The following CA14 variants were observed in gnomAD, a reference collection of about 807,000 sequenced individuals.
The protein encoded by CA14 is carbonic anhydrase 14.
CA14 carries 44 observed loss-of-function variants against 48.8 expected under a neutral mutation model. The ratio of observed to expected loss-of-function variants is 0.90; its 90% CI spans 0.71 to 1.16. The LOEUF (loss-of-function observed/expected upper bound fraction) is 1.16, where lower values mean the gene tolerates loss of function less well. Ranked by LOEUF, CA14 falls within the 50% of genes most tolerant of loss-of-function variation. The pLI, the probability that CA14 is intolerant of heterozygous loss-of-function variation, is 0.00. For missense variants in CA14, 386 were observed against 401.0 expected, an observed-to-expected ratio of 0.96 and a Z score of 0.32; for synonymous variants, 154 against 155.0, an observed-to-expected ratio of 0.99 and a Z score of 0.05.
chr1:150,264,020 GGTTCA>G, intron 10 of CA14, 142 bp downstream of exon 10: 1 of 668,990 alleles, frequency 1.5e-6, no homozygotes, highest in Non-Finnish European at 2.6e-6. Context: ...CTGCCTTCTG[GGTTCA>G]AGCAATTCTC....
In CA14 at chr1:150,258,020, C is replaced by G. The variant is rs1224086660; in HGVS notation, c.-109C>G. ...GAGATAAATACACTCACGCCAGGAG[C>G]TCGCTCGCTCTCTCTCTCTCTCTCT... On this transcript the variant is annotated 5_prime_UTR_variant, in exon 1 of 11. Coordinates refer to ENST00000369111, the MANE Select transcript of CA14 (RefSeq NM_012113.3). 4 of 699,018 alleles carry G rather than the reference C, an allele frequency of 5.7e-6. No homozygotes were observed. Among genetic ancestry groups the G allele is most frequent in the Non-Finnish European group, 9.1e-6 (4 of 439,060 alleles). The allele number at this position is 699,018 out of a possible 1,614,324, so 43.3% of individuals were successfully genotyped here. A position where few individuals can be genotyped will look rare whatever the true frequency, so the allele number is the denominator to read the frequency against.
chr1:150,258,338 A>T (rs1650723070), intron 1 of CA14, among the ~76,000 whole-genome samples, 155 bp downstream of exon 1: 1 of 152,106 alleles, frequency 6.6e-6, no homozygotes, highest in Non-Finnish European at 1.5e-5. Flanking sequence ...GGAGGAGACC[A>T]CTTCCCTTCT....
intron 8 of CA14, 33 bp from the exon 9 acceptor site, chr1:150,263,626 G>A: frequency 6.2e-7 from 1 of 1,613,356 alleles, no homozygotes; most frequent in Non-Finnish European, 8.5e-7. Flanking sequence ...ATGGGGATCT[G>A]AAGTCCCACT....
Position 150,260,132 on chromosome 1 carries a change from A to G in CA14, c.56-19A>G. Reference sequence around the variant, plus strand: ...CCCCAGGCTGCGCTGGCTGTAACCCAAACTATTCTGCCTTGCAGGTCAACA... The same window carrying G: ...CCCCAGGCTGCGCTGGCTGTAACCCGAACTATTCTGCCTTGCAGGTCAACA... On this transcript the variant is annotated intron_variant, in intron 1 of 10. Transcript: ENST00000369111. The G allele has an allele frequency of 1.2e-6, 2 of 1,613,146 alleles. No homozygotes were observed. The highest frequency in any genetic ancestry group is 1.7e-6 in the Non-Finnish European group (2 of 1,179,800).
At chr1:150,261,424 A>T in intron 2 of CA14, 35 bp from the exon 3 acceptor site, 2 of 1,594,816 alleles carry the variant, frequency 1.3e-6, no homozygotes, top group Non-Finnish European at 1.7e-6. Context: ...CTAGAGCTGG[A>T]GGACAGGACC....
chr1:150,262,958 C>T, intron 6 of CA14, 84 bp from the exon 7 acceptor site: 5 of 1,584,516 alleles, frequency 3.2e-6, no homozygotes, highest in Non-Finnish European at 3.5e-6. Flanking sequence ...TTACATAGAG[C>T]CAAGGAATTT....
intron 1 of CA14, 79 bp from the exon 2 acceptor site, chr1:150,260,072 G>C: frequency 2.9e-6 from 4 of 1,378,186 alleles, no homozygotes; most frequent in Non-Finnish European, 4.1e-6. Flanking sequence ...AGTACAGAAT[G>C]CCAGAGGGAG....
chr1:150,263,116 A>G lies in CA14; in HGVS notation c.637A>G (p.Asn213Asp), dbSNP rs1651221430. 1 of 1,614,092 alleles carries G rather than the reference A, an allele frequency of 6.2e-7. No homozygotes were observed. The highest frequency in any genetic ancestry group is 8.5e-7 in the Non-Finnish European group (1 of 1,180,002). ...ACAGCTGGGGCAGTACTTCCGCTACAATGGCTCGCTCACAACTCCCCCTTG... is the reference window on the plus strand; with the variant it reads ...ACAGCTGGGGCAGTACTTCCGCTACGATGGCTCGCTCACAACTCCCCCTTG... ...PKQLGQYFRY[N>D]GSLTTPPCYQ... is the part of the protein sequence containing the mutation. The change falls in exon 7 of 11, where the codon AAT (asparagine) becomes GAT (aspartate). Residue 213 changes from asparagine to aspartate, a missense_variant. By Grantham distance (23) the Asn-to-Asp change is conservative (BLOSUM62 1). Transcript: ENST00000369111.
At position 150,258,040 on chromosome 1, in the gene CA14, C is replaced by T. The variant is rs1477457083; in HGVS notation, c.-89C>T. On this transcript the variant is annotated 5_prime_UTR_variant, in exon 1 of 11. Transcript: ENST00000369111. ...AGGAGCTCGCTCGCTCTCTCTCTCT[C>T]TCTCTCACTCCTCCCTCCCTCTCTC... is the stretch of plus-strand genomic sequence containing the variant. The T allele has an allele frequency of 2.1e-5, 20 of 945,862 alleles. No individual in the cohort carries two copies. Among genetic ancestry groups the T allele is most frequent in the Non-Finnish European group, 3.0e-5 (19 of 634,338 alleles). The allele number at this position is 945,862 out of a possible 1,614,324, so 58.6% of individuals were successfully genotyped here.
rs1560025144 is a variant in CA14, at chr1:150,262,156, A to G, written c.257-2A>G. 6.2e-7 allele frequency: 1 copy of G among 1,614,156 alleles called. No individual in the cohort carries two copies. The highest frequency in any genetic ancestry group is 8.5e-7 in the Non-Finnish European group (1 of 1,180,018). ...AATCCGAGTTTGCTCTTTTCCTCAC[A>G]GTGCAACTCTCTCTGCCCTCTACCC... On this transcript the variant is annotated splice_acceptor_variant, in intron 3 of 10. Transcript: ENST00000369111. LOFTEE classifies it high-confidence loss of function.
chr1:150,259,573 A>T (rs782467323), intron 1 of CA14, among the ~76,000 whole-genome samples: 8 of 152,100 alleles, frequency 5.3e-5, no homozygotes, highest in South Asian at 4.2e-4. Context: ...CCTGGTGATG[A>T]GGAGTTTCCT....
chr1:150,263,903 C>T (rs1553848717), intron 10 of CA14, 25 bp downstream of exon 10: 7 of 1,471,988 alleles, frequency 4.8e-6, no homozygotes, highest in Middle Eastern at 1.8e-4. Flanking sequence ...TCCATTCCTC[C>T]AGTCCCTTCT....
intron 2 of CA14, chr1:150,260,449 A>T (rs1650916623): frequency 3.8e-6 from 2 of 530,502 alleles, no homozygotes; most frequent in East Asian, 3.6e-5. Flanking sequence ...GCTGGGTGGG[A>T]ACTCTGAGCT....
At chr1:150,258,216 G>T (rs782611261) in intron 1 of CA14, 33 bp downstream of exon 1, 36 of 1,584,388 alleles carry the variant, frequency 2.3e-5, no homozygotes, top group East Asian at 6.8e-5. Context: ...GTGTGGATTT[G>T]TGCTGATGTT....
Position 150,260,174 on chromosome 1 carries a change from G to T in CA14, c.76+3G>T, listed in dbSNP as rs1261646248. On this transcript the variant is annotated splice_donor_region_variant and intron_variant, in intron 2 of 10. Transcript: ENST00000369111. ...AGGTCAACACTGGACGTATGAGGGTGAGCAGATCTCAAGGCCTCCCGACAA... is the reference window on the plus strand; with the variant it reads ...AGGTCAACACTGGACGTATGAGGGTTAGCAGATCTCAAGGCCTCCCGACAA... 1.9e-6 allele frequency: 3 copies of T among 1,613,824 alleles called. No individual in the cohort carries two copies. The highest frequency in any genetic ancestry group is 2.5e-6 in the Non-Finnish European group (3 of 1,179,908).
In CA14 at chr1:150,262,232, C is replaced by T. The variant is rs1366523000; in HGVS notation, c.331C>T (p.His111Tyr). ...ATATGTAGCTGCCCAGCTCCACCTG[C>T]ACTGGGGTCAGAAAGGATCCCCAGG... The part of the protein sequence containing the change: ...RKYVAAQLHL[H>Y]WGQKGSPGGS... The change falls in exon 4 of 11, where the codon CAC (histidine) becomes TAC (tyrosine). Residue 111 changes from histidine (H) to tyrosine (Y), a missense_variant. Coordinates refer to ENST00000369111, the MANE Select transcript of CA14 (RefSeq NM_012113.3). 2.5e-6 allele frequency: 4 copies of T among 1,613,538 alleles called. No homozygotes were observed.
rs1553847823 is a variant in CA14, at chr1:150,261,559, TG to T, written c.178del (p.Asp60IlefsTer45). The T allele has an allele frequency of 6.2e-7, 1 of 1,614,170 alleles. No individual in the cohort carries two copies. Among genetic ancestry groups the T allele is most frequent in the African/African-American group, 1.3e-5 (1 of 75,036 alleles). On this transcript the variant is annotated frameshift_variant, in exon 3 of 11. Coordinates refer to ENST00000369111, the MANE Select transcript of CA14 (RefSeq NM_012113.3). LOFTEE classifies it high-confidence loss of function. ...AGACAGACAGTGTGACATTTGACCC[TG>T]ATTTGCCTGCTCTGCAGCCCCACGG... ...IQTDSVTFDP[D>X]LPALQPHGYD...
intron 1 of CA14, 23 bp downstream of exon 1, chr1:150,258,206 G>A (rs781861906): frequency 2.5e-6 from 4 of 1,600,422 alleles, no homozygotes. Context: ...AAATGTCTGT[G>A]TGTGGATTTG....
At chr1:150,263,933 G>C (rs1176098585) in intron 10 of CA14, 55 bp downstream of exon 10, 2 of 490,234 alleles carry the variant, frequency 4.1e-6, no homozygotes, top group African/African-American at 1.0e-4. Context: ...TTTTTTTTTT[G>C]GTAGGTGGGA....
Sources: allele counts gnomAD v4.1 joint callset (sites outside exome capture counted in the v4.1 genomes callset), GRCh38; gene constraint gnomAD v4.1.1; transcripts MANE v1.5; gene names NCBI Gene and HGNC (gene_info 2026-07-23, HGNC 2026-07-21).